The following FOCAD variants were observed in gnomAD, a reference collection of about 807,000 sequenced individuals.
FOCAD encodes the protein focadhesin, also known as KIAA1797.
Under a neutral mutation model 225.6 loss-of-function variants are expected in FOCAD, and 198 were observed. The observed-to-expected ratio is 0.88, with a 90% CI of 0.78 to 0.99. The LOEUF (loss-of-function observed/expected upper bound fraction) is 0.99, where lower values mean the gene tolerates loss of function less well. Among genes scored for constraint, FOCAD ranks in the 50% least tolerant of loss-of-function variants. The pLI is 0.00. For missense variants in FOCAD, 2,713 were observed against 2,123.6 expected, an observed-to-expected ratio of 1.28 and a Z score of -5.46; for synonymous variants, 897 against 755.0, an observed-to-expected ratio of 1.19 and a Z score of -3.08.
intron 4 of FOCAD, among the ~76,000 whole-genome samples, chr9:20,727,145 T>G (rs1397505144): frequency 6.6e-6 from 1 of 152,182 alleles, no homozygotes; most frequent in Non-Finnish European, 1.5e-5. Flanking sequence ...CTTATTAGCT[T>G]GTTTCTAGAT....
chr9:20,785,650 C>T (rs1027932099), intron 10 of FOCAD, among the ~76,000 whole-genome samples: 9 of 152,166 alleles, frequency 5.9e-5, no homozygotes, highest in African/African-American at 2.2e-4. Context: ...ATTTTACTTT[C>T]CTTTTCTTTT....
chr9:20,717,328 AC>A (rs1310517878), intron 2 of FOCAD, among the ~76,000 whole-genome samples: 2 of 152,172 alleles, frequency 1.3e-5, no homozygotes, highest in Non-Finnish European at 2.9e-5. Context: ...GTAGTTTCCA[AC>A]CCGTACACAG....
At chr9:20,977,813 G>T (rs10811444) in intron 36 of FOCAD, among the ~76,000 whole-genome samples, 53,412 of 151,924 alleles carry the variant, frequency 0.35, 9,653 homozygotes, top group East Asian at 0.46. Context: ...AATGTGTTCC[G>T]CTATCCCTCT....
At chr9:20,743,368 G>A (rs1827784232) in intron 5 of FOCAD, among the ~76,000 whole-genome samples, 1 of 152,130 alleles carries the variant, frequency 6.6e-6, no homozygotes, top group Non-Finnish European at 1.5e-5. Flanking sequence ...TATTCAGCTG[G>A]GGCTTAAGTA....
chr9:20,932,682 T>G (rs1054486837), intron 27 of FOCAD, among the ~76,000 whole-genome samples: 2 of 152,340 alleles, frequency 1.3e-5, no homozygotes, highest in African/African-American at 2.4e-5. Context: ...TTAAGCATCC[T>G]TAGAAATATA....
At chr9:20,749,851 T>C (rs1241501626) in intron 5 of FOCAD, among the ~76,000 whole-genome samples, 1 of 152,154 alleles carries the variant, frequency 6.6e-6, no homozygotes, top group Admixed American at 6.6e-5. Context: ...ACAGACTATT[T>C]TTTTTAACCC....
At chr9:20,959,486 T>C (rs1459030770) in intron 35 of FOCAD, among the ~76,000 whole-genome samples, 1 of 152,144 alleles carries the variant, frequency 6.6e-6, no homozygotes, top group Non-Finnish European at 1.5e-5. Flanking sequence ...TTCCACAGGT[T>C]GTCTTTTCAT....
intron 24 of FOCAD, 118 bp downstream of exon 24, chr9:20,917,055 A>T (rs1380348068): frequency 1.3e-6 from 1 of 759,754 alleles, no homozygotes; most frequent in Non-Finnish European, 2.0e-6. Context: ...GTACTTTTCA[A>T]TTATTTTTTT....
chr9:20,779,233 G>A (rs1012550995), intron 9 of FOCAD, among the ~76,000 whole-genome samples: 4 of 152,204 alleles, frequency 2.6e-5, no homozygotes, highest in African/African-American at 4.8e-5. Flanking sequence ...AGTGAAGGAG[G>A]GGGCCAAGGG....
At chr9:20,802,252 G>C (rs1257708856) in intron 11 of FOCAD, among the ~76,000 whole-genome samples, 1 of 152,000 alleles carries the variant, frequency 6.6e-6, no homozygotes, top group Non-Finnish European at 1.5e-5. Context: ...AAAACAATTT[G>C]TGTGTTTTTC....
chr9:20,702,753 T>C (rs568558490), intron 1 of FOCAD, among the ~76,000 whole-genome samples: 1 of 152,320 alleles, frequency 6.6e-6, no homozygotes, highest in East Asian at 1.9e-4. Flanking sequence ...TATTTCCTCC[T>C]GTGGGAAATG....
At position 20,946,810 on chromosome 9, in the gene FOCAD, A is replaced by G; in HGVS notation, c.3665A>G (p.Asn1222Ser). 6.2e-7 allele frequency: 1 copy of G among 1,613,650 alleles called. No homozygotes were observed. The highest frequency in any genetic ancestry group is 2.2e-5 in the East Asian group (1 of 44,876). Reference sequence around the variant, plus strand: ...AACAAGCTTCGACTGTTAGTGGAGAATAGCCAGCAGGTTGGAACGTGTGCC... The same window carrying G: ...AACAAGCTTCGACTGTTAGTGGAGAGTAGCCAGCAGGTTGGAACGTGTGCC... The part of the protein sequence containing the change: ...VMNKLRLLVE[N>S]SQQTSGFALA... Residue 1222 changes from asparagine to serine, a missense_variant, in exon 30 of 44, where the codon AAT (asparagine) becomes AGT (serine). Transcript: ENST00000338382.
chr9:20,848,267 G>C, intron 15 of FOCAD, among the ~76,000 whole-genome samples: 1 of 152,030 alleles, frequency 6.6e-6, no homozygotes, highest in Non-Finnish European at 1.5e-5. Flanking sequence ...ACTGAGTGGG[G>C]AAACGCAGCA....
Position 20,781,632 on chromosome 9 carries a change from G to C in FOCAD, c.995-95G>C, listed in dbSNP as rs544466485. The C allele has an allele frequency of 9.2e-5, 97 of 1,057,194 alleles. 3 individuals are homozygous for C. The South Asian group carries it at 1.2e-3, about 14-fold the overall frequency. The allele number at this position is 1,057,194 out of a possible 1,614,324, so 65.5% of individuals were successfully genotyped here. ...TGTCTGACCCAGTTATAAAAGGGAAGAAAACTTTCTTGCATATCATTCTTA... is the reference window on the plus strand; with the variant it reads ...TGTCTGACCCAGTTATAAAAGGGAACAAAACTTTCTTGCATATCATTCTTA... On this transcript the variant is annotated intron_variant, in intron 9 of 43. Transcript: ENST00000338382.
intron 4 of FOCAD, among the ~76,000 whole-genome samples, chr9:20,720,861 G>A (rs761969162): frequency 5.3e-5 from 8 of 152,142 alleles, no homozygotes; most frequent in Non-Finnish European, 1.2e-4. Context: ...TTGTCCATAA[G>A]CAATGCTTCT....
At chr9:20,874,938 C>A (rs1830111530) in intron 19 of FOCAD, 131 bp downstream of exon 19, 1 of 1,156,774 alleles carries the variant, frequency 8.6e-7, no homozygotes, top group Non-Finnish European at 1.3e-6. Context: ...ATGTTAAATG[C>A]ACCCATCTGT....
rs538811102 is a variant in FOCAD, at chr9:20,737,336, C to T, written c.288-2900C>T. On this transcript the variant is annotated intron_variant, in intron 4 of 43. Coordinates refer to ENST00000338382, the MANE Select transcript of FOCAD (RefSeq NM_001375567.1). ...GATCTGTTATCTGTTATCTCTAGAA[C>T]TCTAGTCATATGACAAATAAATAAT... 3.9e-5 allele frequency among the ~76,000 whole-genome samples: 6 copies of T among 152,226 alleles called. No homozygotes were observed. The South Asian group carries it at 1.0e-3, about 26-fold the overall frequency.
intron 11 of FOCAD, among the ~76,000 whole-genome samples, chr9:20,792,977 A>C (rs1361716264): frequency 1.3e-5 from 2 of 152,184 alleles, no homozygotes; most frequent in Non-Finnish European, 2.9e-5. Context: ...AAAAAGAGAA[A>C]ATATATTCTA....
chr9:20,888,827 A>G (rs546196386), intron 21 of FOCAD, among the ~76,000 whole-genome samples: 53 of 152,192 alleles, frequency 3.5e-4, no homozygotes, highest in African/African-American at 1.2e-3. Flanking sequence ...CCATCCATTT[A>G]AGATGTGACT....
Sources: gnomAD v4.1 joint callset for allele counts (sites outside exome capture counted in the v4.1 genomes callset) on GRCh38, gnomAD v4.1.1 for gene constraint, MANE v1.5 for transcripts, NCBI Gene and HGNC (gene_info 2026-07-23, HGNC 2026-07-21) for gene names.